The following SDAD1 variants were observed in gnomAD, a reference collection of about 807,000 sequenced individuals.
SDAD1 encodes the protein SDA1 domain containing 1, also known as protein SDA1 homolog.
A neutral mutation model predicts 100.3 loss-of-function variants in SDAD1; 79 were observed. The ratio of observed to expected loss-of-function variants is 0.79; its 90% CI spans 0.66 to 0.95. SDAD1 has a LOEUF of 0.95. Among genes scored for constraint, SDAD1 ranks in the 40% least tolerant of loss-of-function variants. The probability of loss-of-function intolerance (pLI) is 0.00; values close to 1 mark genes in which losing one functional copy is unlikely to be tolerated. For missense variants in SDAD1, 790 were observed against 810.9 expected (o/e 0.97, Z 0.31); for synonymous variants, 267 against 271.4 (o/e 0.98, Z 0.16).
Position 75,968,984 on chromosome 4 carries a change from T to C in SDAD1, c.987+312A>G, listed in dbSNP as rs1198358765. On this transcript the variant is annotated intron_variant, in intron 11 of 21. Coordinates refer to ENST00000356260, the MANE Select transcript of SDAD1 (RefSeq NM_018115.4). ...AGGTGGAGGTTGCAGTGAGCCGAGA[T>C]TGCGCCACTGCACTCCAGCCTGGGC... Among the ~76,000 whole-genome samples the C allele has an allele frequency of 4.5e-5, 6 of 134,690 alleles. No homozygotes were observed. In the Admixed American group the frequency reaches 5.2e-4, roughly 12 times the overall value. 88.4% of individuals were successfully genotyped at this position (134,690 alleles called of 152,430 possible). A position where few individuals can be genotyped will look rare whatever the true frequency, so the allele number is the denominator to read the frequency against.
intron 20 of SDAD1, among the ~76,000 whole-genome samples, chr4:75,956,602 T>C (rs1209609179): frequency 6.6e-6 from 1 of 152,116 alleles, no homozygotes; most frequent in Non-Finnish European, 1.5e-5. Flanking sequence ...GTTGGAAATG[T>C]AGGCAGGACA....
At chr4:75,983,362 T>C (rs572309404) in intron 1 of SDAD1, among the ~76,000 whole-genome samples, 1 of 152,318 alleles carries the variant, frequency 6.6e-6, no homozygotes, top group Admixed American at 6.5e-5. Context: ...CTTGAGGAAT[T>C]GCCACACTGT....
intron 21 of SDAD1, among the ~76,000 whole-genome samples, chr4:75,955,705 T>C (rs1728851390): frequency 6.6e-6 from 1 of 152,248 alleles, no homozygotes; most frequent in Non-Finnish European, 1.5e-5. Flanking sequence ...CCTTTACTTA[T>C]ACTGGAGGAA....
At position 75,957,407 on chromosome 4, in the gene SDAD1, C is replaced by T. The variant is rs764925558; in HGVS notation, c.1772G>A (p.Gly591Asp). The part of the protein sequence containing the change: ...IEIDSDEEPR[G>D]ELLSLRDIER... ...AATGTCCCGAAGAGAAAGTAATTCA[C>T]CCCTGGGGTGAGGGAAAAATAACAC... The change falls in exon 20 of 22, where the codon GGT becomes GAT. Residue 591 changes from glycine (G) to aspartate (D), a missense_variant and splice_region_variant. By Grantham distance (94) the Gly-to-Asp change is moderately conservative (BLOSUM62 -1). Transcript: ENST00000356260. 6.2e-7 allele frequency: 1 copy of T among 1,613,902 alleles called. No homozygotes were observed. The highest frequency in any genetic ancestry group is 1.7e-5 in the Admixed American group (1 of 59,962).
chr4:75,966,051 C>T (rs1196600563), intron 12 of SDAD1, among the ~76,000 whole-genome samples: 2 of 152,078 alleles, frequency 1.3e-5, no homozygotes, highest in East Asian at 1.9e-4. Flanking sequence ...TAAAACAGAA[C>T]CCGTCCCGAC....
intron 21 of SDAD1, among the ~76,000 whole-genome samples, chr4:75,953,426 C>T (rs542496773): frequency 6.6e-6 from 1 of 152,258 alleles, no homozygotes; most frequent in East Asian, 1.9e-4. Flanking sequence ...TAGTTAAGGG[C>T]CAGTGAAGGA....
At position 75,975,864 on chromosome 4, in the gene SDAD1, A is replaced by G; in HGVS notation, c.478-20T>C. 1 of 1,609,216 alleles carries G rather than the reference A, an allele frequency of 6.2e-7. No individual in the cohort carries two copies. Among genetic ancestry groups the G allele is most frequent in the Non-Finnish European group, 8.5e-7 (1 of 1,175,538 alleles). ...CAATACCTGCAGAAAAGGAGGAGAA[A>G]GAAGACTTAATGCACTGATGGTACA... On this transcript the variant is annotated intron_variant, in intron 5 of 21. Coordinates refer to ENST00000356260, the MANE Select transcript of SDAD1 (RefSeq NM_018115.4).
At chr4:75,983,996 T>C (rs1316100023) in intron 1 of SDAD1, among the ~76,000 whole-genome samples, 1 of 152,136 alleles carries the variant, frequency 6.6e-6, no homozygotes, top group Admixed American at 6.5e-5. Context: ...AGTTTCAGCT[T>C]TCTGCATATG....
chr4:75,961,829 T>G (rs923551256), intron 14 of SDAD1, among the ~76,000 whole-genome samples: 3 of 150,766 alleles, frequency 2.0e-5, no homozygotes, highest in Non-Finnish European at 4.4e-5. Flanking sequence ...GGTTTGAATG[T>G]TCCCTCTAAA....
chr4:75,979,674 C>T (rs1030399891), intron 3 of SDAD1, among the ~76,000 whole-genome samples: 2 of 151,960 alleles, frequency 1.3e-5, no homozygotes, highest in South Asian at 2.1e-4. Context: ...AGGCTGGTCT[C>T]GAACTCCCGA....
chr4:75,965,162 G>A (rs1262583428), intron 13 of SDAD1, among the ~76,000 whole-genome samples: 1 of 152,142 alleles, frequency 6.6e-6, no homozygotes, highest in African/African-American at 2.4e-5. Flanking sequence ...TGTTCCTAGA[G>A]GTAGGTCTCT....
In SDAD1 at chr4:75,981,789, A is replaced by T. The variant is rs1017335733; in HGVS notation, c.195+144T>A. ...ATTCTCTAACTCATGATAGGGAGAA[A>T]ATAAAATTTGCAAAAAGGGAAAGTT... On this transcript the variant is annotated intron_variant, in intron 2 of 21. Coordinates refer to ENST00000356260, the MANE Select transcript of SDAD1 (RefSeq NM_018115.4). The T allele has an allele frequency of 6.8e-6, 5 of 734,436 alleles. No individual in the cohort carries two copies. The African/African-American group carries it at 7.1e-5, about 10-fold the overall frequency. 45.5% of individuals were successfully genotyped at this position (734,436 alleles called of 1,614,324 possible).
intron 6 of SDAD1, among the ~76,000 whole-genome samples, chr4:75,974,838 G>GA (rs1417533535): frequency 4.6e-5 from 7 of 152,172 alleles, no homozygotes; most frequent in African/African-American, 1.7e-4. Flanking sequence ...TCAGGAGATT[G>GA]AGACCATCCT....
intron 13 of SDAD1, among the ~76,000 whole-genome samples, chr4:75,964,829 T>C (rs979167803): frequency 3.3e-5 from 5 of 152,220 alleles, no homozygotes; most frequent in African/African-American, 1.2e-4. Flanking sequence ...CATAGACATG[T>C]ATCATTTCCC....
At chr4:75,987,101 T>C (rs900481494) in intron 1 of SDAD1, among the ~76,000 whole-genome samples, 1 of 152,222 alleles carries the variant, frequency 6.6e-6, no homozygotes, top group Non-Finnish European at 1.5e-5. Context: ...TTTAAAGAGT[T>C]GTCCATATGT....
intron 3 of SDAD1, among the ~76,000 whole-genome samples, chr4:75,978,227 GCCC>G (rs201972269): frequency 7.7e-6 from 1 of 130,658 alleles, no homozygotes; most frequent in Non-Finnish European, 1.5e-5. Context: ...TTGCATGCCT[GCCC>G]CCCGCCTTTT....
chr4:75,969,030 C>CAAAAAAA (rs35570189), intron 11 of SDAD1, among the ~76,000 whole-genome samples: 2 of 64,014 alleles, frequency 3.1e-5, no homozygotes, highest in Admixed American at 2.5e-4. Context: ...GACTCTGTCT[C>CAAAAAAA]AAAAAAAAAA....
intron 21 of SDAD1, among the ~76,000 whole-genome samples, chr4:75,952,821 A>G (rs1450791428): frequency 6.6e-6 from 1 of 152,242 alleles, no homozygotes; most frequent in Non-Finnish European, 1.5e-5. Context: ...TAGCTCAGAA[A>G]CAAAAATGTA....
In SDAD1 at chr4:75,966,312, A is replaced by ACACACT. The variant is rs1383701973; in HGVS notation, c.1046-491_1046-490insAGTGTG. On this transcript the variant is annotated intron_variant, in intron 12 of 21. Coordinates refer to ENST00000356260, the MANE Select transcript of SDAD1 (RefSeq NM_018115.4). The stretch of plus-strand genomic sequence containing the variant: ...CACACACACACACACACACACACAC[A>ACACACT]CTGTCTCTTTTCAAAGGGGCAGCAT... Among the ~76,000 whole-genome samples, 910 of 135,940 alleles carry ACACACT rather than the reference A, an allele frequency of 6.7e-3. 23 individuals carry two copies. Among genetic ancestry groups the ACACACT allele is most frequent in the East Asian group, 0.015 (68 of 4,524 alleles). The allele number at this position is 135,940 out of a possible 152,430, so 89.2% of individuals were successfully genotyped here.
Sources: allele counts gnomAD v4.1 joint callset (sites outside exome capture counted in the v4.1 genomes callset), GRCh38; gene constraint gnomAD v4.1.1; transcripts MANE v1.5; gene names NCBI Gene and HGNC (gene_info 2026-07-23, HGNC 2026-07-21).